The following SLMAP variants were observed in gnomAD, a reference collection of about 807,000 sequenced individuals.
The protein encoded by SLMAP is sarcolemma associated protein, also known as sarcolemmal membrane-associated protein.
In SLMAP, 44 loss-of-function variants were observed where a neutral mutation model predicts 128.8. That is an observed-to-expected ratio of 0.34 (90% CI 0.27 to 0.44). The LOEUF (loss-of-function observed/expected upper bound fraction) is 0.44. Among genes scored for constraint, SLMAP ranks in the 20% least tolerant of loss-of-function variants. SLMAP has a pLI of 1.00. For synonymous variants in SLMAP, 327 were observed against 348.8 expected (o/e 0.94, Z 0.70); for missense variants, 787 against 985.3 (o/e 0.80, Z 2.69).
chr3:57,777,453 C>T (rs367935789), intron 2 of SLMAP, among the ~76,000 whole-genome samples: 5 of 151,896 alleles, frequency 3.3e-5, no homozygotes, highest in African/African-American at 1.2e-4. Context: ...GGCGCAGTGG[C>T]ACTTGCTTTG....
intron 2 of SLMAP, among the ~76,000 whole-genome samples, chr3:57,766,903 TC>T (rs141120402): frequency 0.013 from 1,924 of 152,168 alleles, 28 homozygotes; most frequent in African/African-American, 0.044. Context: ...TTTCTTTATT[TC>T]TTTTTTTTAA....
chr3:57,830,115 A>G (rs537932142), intron 2 of SLMAP, among the ~76,000 whole-genome samples: 2 of 152,192 alleles, frequency 1.3e-5, no homozygotes, highest in Non-Finnish European at 2.9e-5. Flanking sequence ...GCTCACTGCA[A>G]CCTCTGCCTC....
Position 57,853,955 on chromosome 3 carries a change from T to TTATTTATATA in SLMAP, c.520-3775_520-3774insTTATATATAT, listed in dbSNP as rs1553880926. Among the ~76,000 whole-genome samples, 9 of 31,934 alleles carry TTATTTATATA rather than the reference T, an allele frequency of 2.8e-4. 1 individual carries two copies. Among genetic ancestry groups the TTATTTATATA allele is most frequent in the South Asian group, 1.4e-3 (1 of 694 alleles). The allele number at this position is 31,934 out of a possible 152,430, so 20.9% of individuals were successfully genotyped here. On this transcript the variant is annotated intron_variant, in intron 6 of 24. Coordinates refer to ENST00000671191, the MANE Select transcript of SLMAP (RefSeq NM_001377540.1). Reference sequence around the variant, plus strand: ...AAATTCTGTCTCAAAAAAAAAAAAATTATATATATATATATATATATATAT... The same window carrying TTATTTATATA: ...AAATTCTGTCTCAAAAAAAAAAAAATTATTTATATATATATATATATATATATATATATAT...
At chr3:57,866,000 G>A (rs1440048494) in intron 13 of SLMAP, among the ~76,000 whole-genome samples, 1 of 152,168 alleles carries the variant, frequency 6.6e-6, no homozygotes, top group Non-Finnish European at 1.5e-5. Context: ...GGTGCTTGGA[G>A]TACAGTAGAA....
At chr3:57,799,553 T>A (rs192212302) in intron 2 of SLMAP, among the ~76,000 whole-genome samples, 333 of 152,326 alleles carry the variant, frequency 2.2e-3, no homozygotes, top group Non-Finnish European at 3.7e-3. Flanking sequence ...AAAGTAAGAA[T>A]TTATGAGCTT....
intron 14 of SLMAP, among the ~76,000 whole-genome samples, chr3:57,874,100 G>A (rs1451154038): frequency 6.6e-6 from 1 of 152,144 alleles, no homozygotes; most frequent in Non-Finnish European, 1.5e-5. Context: ...TCCGGCCTGG[G>A]CAACAGAGTG....
chr3:57,889,711 A>G (rs1188064476), intron 14 of SLMAP, among the ~76,000 whole-genome samples: 1 of 152,198 alleles, frequency 6.6e-6, no homozygotes, highest in African/African-American at 2.4e-5. Context: ...ACCTTTTCAT[A>G]AATCTTTTAT....
At chr3:57,766,091 C>T (rs570967959) in intron 2 of SLMAP, among the ~76,000 whole-genome samples, 35 of 149,898 alleles carry the variant, frequency 2.3e-4, no homozygotes, top group Middle Eastern at 3.4e-3. Flanking sequence ...CTCCGCCTCC[C>T]GGGTTCACGC....
At position 57,909,189 on chromosome 3, in the gene SLMAP, G is replaced by A. The variant is rs755710392; in HGVS notation, c.1699+39G>A. ...CAAGGCTCTTTGAGATTGTTATTGT[G>A]TGTTTGTTTTTAGTGATTCAAAAGG... is the stretch of plus-strand genomic sequence containing the variant. On this transcript the variant is annotated intron_variant, in intron 19 of 24. Coordinates refer to ENST00000671191, the MANE Select transcript of SLMAP (RefSeq NM_001377540.1). 8.0e-5 allele frequency: 116 copies of A among 1,458,944 alleles called. No homozygotes were observed. The Middle Eastern group carries it at 2.1e-3, about 27-fold the overall frequency. The allele number at this position is 1,458,944 out of a possible 1,614,324, so 90.4% of individuals were successfully genotyped here.
At chr3:57,871,440 CCATT>C (rs904105508) in intron 13 of SLMAP, among the ~76,000 whole-genome samples, 192 bp from the exon 14 acceptor site, 6 of 152,132 alleles carry the variant, frequency 3.9e-5, no homozygotes, top group Admixed American at 2.0e-4. Flanking sequence ...TAAAAGCTAA[CCATT>C]CAGTGTACAA....
intron 2 of SLMAP, among the ~76,000 whole-genome samples, chr3:57,767,653 C>A (rs915212162): frequency 6.6e-6 from 1 of 152,172 alleles, no homozygotes; most frequent in Admixed American, 6.5e-5. Flanking sequence ...GTCTATATAA[C>A]ACTCTTAGAA....
At chr3:57,909,683 C>T (rs2096648459) in intron 19 of SLMAP, among the ~76,000 whole-genome samples, 3 of 151,414 alleles carry the variant, frequency 2.0e-5, no homozygotes, top group African/African-American at 4.9e-5. Context: ...CGCGGTCTCA[C>T]CTTACTGCAA....
intron 6 of SLMAP, among the ~76,000 whole-genome samples, chr3:57,851,963 T>C (rs1211289205): frequency 6.6e-6 from 1 of 152,000 alleles, no homozygotes; most frequent in African/African-American, 2.4e-5. Flanking sequence ...CAGGCTGGAG[T>C]GCGGTGGCGT....
chr3:57,779,508 C>CAAAAAAAAA (rs75146875), intron 2 of SLMAP, among the ~76,000 whole-genome samples: 1 of 79,804 alleles, frequency 1.3e-5, no homozygotes, highest in Admixed American at 1.3e-4. Flanking sequence ...GACCCTGTTT[C>CAAAAAAAAA]AAAAAAAAAA....
At chr3:57,813,062 G>T (rs189455140) in intron 2 of SLMAP, among the ~76,000 whole-genome samples, 2 of 149,868 alleles carry the variant, frequency 1.3e-5, no homozygotes, top group Admixed American at 1.3e-4. Flanking sequence ...ATCTATAAAC[G>T]GATAATTTTA....
At chr3:57,840,865 G>A (rs2093900490) in intron 3 of SLMAP, among the ~76,000 whole-genome samples, 1 of 152,164 alleles carries the variant, frequency 6.6e-6, no homozygotes, top group Non-Finnish European at 1.5e-5. Context: ...ACTGTATTAT[G>A]CAGAACTTTA....
chr3:57,909,637 A>T (rs1337237075), intron 19 of SLMAP, among the ~76,000 whole-genome samples: 1 of 151,784 alleles, frequency 6.6e-6, no homozygotes, highest in Non-Finnish European at 1.5e-5. Context: ...TTTGAGACAG[A>T]GTTTCGCTCT....
intron 17 of SLMAP, chr3:57,897,675 A>G (rs915955302): frequency 1.3e-5 from 2 of 152,076 alleles, no homozygotes; most frequent in Admixed American, 6.6e-5. Context: ...CCTGGGCAAT[A>G]AGAGCAAAAC....
In SLMAP at chr3:57,810,093, G is replaced by A. The variant is rs545491972; in HGVS notation, c.199-21290G>A. Among the ~76,000 whole-genome samples, 3 of 152,230 alleles carry A rather than the reference G, an allele frequency of 2.0e-5. No individual in the cohort carries two copies. The East Asian group carries it at 5.8e-4, about 30-fold the overall frequency. The stretch of plus-strand genomic sequence containing the variant: ...ACTCTTTGGTTCCCTGTGGTTCCTG[G>A]AGGCTCCAAGCTTCCAGGTGCCACC... On this transcript the variant is annotated intron_variant, in intron 2 of 24. Transcript: ENST00000671191.
Sources: gnomAD v4.1 joint callset for allele counts (sites outside exome capture counted in the v4.1 genomes callset) on GRCh38, gnomAD v4.1.1 for gene constraint, MANE v1.5 for transcripts, NCBI Gene and HGNC (gene_info 2026-07-23, HGNC 2026-07-21) for gene names.